Variants in LINGO2 observed in about 807,000 individuals in gnomAD.
The protein encoded by LINGO2 is leucine rich repeat and Ig domain containing 2, also known as leucine-rich repeat and immunoglobulin-like domain-containing nogo receptor-interacting protein 2.
A neutral mutation model predicts 30.6 loss-of-function variants in LINGO2; 14 were observed. The ratio of observed to expected loss-of-function variants is 0.46; its 90% CI spans 0.30 to 0.72. LINGO2 has a LOEUF of 0.72. Ranked by LOEUF, LINGO2 falls within the 30% of genes least tolerant of loss-of-function variation. The pLI is 0.07. For synonymous variants in LINGO2, 317 were observed against 288.5 expected (o/e 1.10, Z -1.00); for missense variants, 729 against 751.7 (o/e 0.97, Z 0.35).
At chr9:28,110,503 A>G (rs905523140) in intron 4 of LINGO2, among the ~76,000 whole-genome samples, 10 of 152,226 alleles carry the variant, frequency 6.6e-5, no homozygotes, top group African/African-American at 2.4e-4. Flanking sequence ...CCATCTGACA[A>G]AGGTCTAATA....
intron 1 of LINGO2, among the ~76,000 whole-genome samples, chr9:28,497,490 G>A (rs10757750): frequency 0.15 from 23,543 of 152,096 alleles, 1,997 homozygotes; most frequent in East Asian, 0.21. Flanking sequence ...TAGTTCTTGT[G>A]CCATGGTTTT....
intron 5 of LINGO2, among the ~76,000 whole-genome samples, chr9:27,972,684 G>A (rs16912148): frequency 6.6e-6 from 1 of 152,182 alleles, no homozygotes; most frequent in Non-Finnish European, 1.5e-5. Flanking sequence ...ATTCCAGGCA[G>A]GCTGGTATTG....
At chr9:28,279,542 T>A (rs977292510) in intron 4 of LINGO2, among the ~76,000 whole-genome samples, 7 of 152,200 alleles carry the variant, frequency 4.6e-5, no homozygotes, top group Non-Finnish European at 8.8e-5. Context: ...TGTTGAAGGA[T>A]CACATGAAGG....
chr9:29,128,505 G>C, the LINGO2 span, among the ~76,000 whole-genome samples: 1 of 152,156 alleles, frequency 6.6e-6, no homozygotes, highest in Non-Finnish European at 1.5e-5. Context: ...GAATGGGAAA[G>C]TGGGAAGGAG....
chr9:29,009,356 G>A, the LINGO2 span, among the ~76,000 whole-genome samples: 37 of 152,188 alleles, frequency 2.4e-4, no homozygotes, highest in Non-Finnish European at 3.8e-4. Context: ...AAAAATCAAC[G>A]TGCAAAAATC....
chr9:28,631,666 G>T (rs1025096750), intron 1 of LINGO2, among the ~76,000 whole-genome samples: 6 of 152,060 alleles, frequency 3.9e-5, no homozygotes, highest in Admixed American at 1.3e-4. Context: ...TGCTTGAGGA[G>T]TCCTTAGGTA....
the LINGO2 span, among the ~76,000 whole-genome samples, chr9:29,180,020 G>T: frequency 6.6e-6 from 1 of 152,158 alleles, no homozygotes; most frequent in Non-Finnish European, 1.5e-5. Flanking sequence ...GAACTTGAGT[G>T]AATAAAAACT....
the LINGO2 span, among the ~76,000 whole-genome samples, chr9:29,142,503 A>T: frequency 5.4e-4 from 82 of 151,996 alleles, no homozygotes; most frequent in African/African-American, 1.9e-3. Flanking sequence ...AAAATAGAAA[A>T]AGAAAAACTA....
At chr9:28,158,840 G>A (rs1478176335) in intron 4 of LINGO2, among the ~76,000 whole-genome samples, 4 of 152,200 alleles carry the variant, frequency 2.6e-5, no homozygotes, top group Admixed American at 2.6e-4. Context: ...CCTTCACGAA[G>A]TATGTACCAA....
At chr9:28,963,605 G>C in the LINGO2 span, among the ~76,000 whole-genome samples, 1 of 146,248 alleles carries the variant, frequency 6.8e-6, no homozygotes, top group Non-Finnish European at 1.5e-5. Flanking sequence ...TCATAAAAAA[G>C]AATGAAATCC....
chr9:28,778,359 T>G, the LINGO2 span, among the ~76,000 whole-genome samples: 1 of 152,152 alleles, frequency 6.6e-6, no homozygotes, highest in African/African-American at 2.4e-5. Context: ...GAAAAAGTAT[T>G]CTTCTGGGAA....
chr9:28,688,915 G>T, the LINGO2 span, among the ~76,000 whole-genome samples: 2 of 152,022 alleles, frequency 1.3e-5, no homozygotes, highest in African/African-American at 4.8e-5. Context: ...ATTTATTAAC[G>T]TGTTGAGGGG....
intron 1 of LINGO2, among the ~76,000 whole-genome samples, chr9:28,583,909 A>C (rs1824393799): frequency 6.6e-6 from 1 of 152,028 alleles, no homozygotes; most frequent in Non-Finnish European, 1.5e-5. Flanking sequence ...GAATGGATTA[A>C]CATCATTATC....
At chr9:29,110,063 A>G in the LINGO2 span, among the ~76,000 whole-genome samples, 1 of 152,218 alleles carries the variant, frequency 6.6e-6, no homozygotes, top group Non-Finnish European at 1.5e-5. Flanking sequence ...AGCCGTGATA[A>G]AACAACAAGA....
chr9:28,773,593 C>A, the LINGO2 span, among the ~76,000 whole-genome samples: 1 of 152,126 alleles, frequency 6.6e-6, no homozygotes, highest in Non-Finnish European at 1.5e-5. Flanking sequence ...CTGCAGGAAA[C>A]CTGCATCTCT....
chr9:28,723,009 C>A, the LINGO2 span, among the ~76,000 whole-genome samples: 10 of 152,092 alleles, frequency 6.6e-5, no homozygotes, highest in Admixed American at 3.9e-4. Context: ...CCACCTGAAA[C>A]AATTACCCCA....
chr9:28,857,536 C>T, the LINGO2 span, among the ~76,000 whole-genome samples: 1 of 152,006 alleles, frequency 6.6e-6, no homozygotes, highest in Non-Finnish European at 1.5e-5. Context: ...AGCCCATGCT[C>T]ATAACTACTA....
At chr9:28,939,921 T>A in the LINGO2 span, among the ~76,000 whole-genome samples, 1 of 152,144 alleles carries the variant, frequency 6.6e-6, no homozygotes, top group Non-Finnish European at 1.5e-5. Flanking sequence ...GAGAATTAAG[T>A]TCTCTTTATT....
intron 1 of LINGO2, among the ~76,000 whole-genome samples, chr9:28,633,770 G>A (rs529350450): frequency 6.6e-6 from 1 of 152,274 alleles, no homozygotes; most frequent in African/African-American, 2.4e-5. Flanking sequence ...ATCTCACCTA[G>A]GAACTTAATT....
Sources: allele counts gnomAD v4.1 joint callset (sites outside exome capture counted in the v4.1 genomes callset), GRCh38; gene constraint gnomAD v4.1.1; transcripts MANE v1.5; gene names NCBI Gene and HGNC (gene_info 2026-07-23, HGNC 2026-07-21).